The following RBMS2 variants were observed in gnomAD, a reference collection of about 807,000 sequenced individuals.
RBMS2 encodes the protein RNA binding motif single stranded interacting protein 2.
A neutral mutation model predicts 58.4 loss-of-function variants in RBMS2; 38 were observed. The ratio of observed to expected loss-of-function variants is 0.65; its 90% CI spans 0.50 to 0.85. RBMS2 has a LOEUF of 0.85. Among genes scored for constraint, RBMS2 ranks in the 40% least tolerant of loss-of-function variants. The pLI is 0.00. For missense variants in RBMS2, 367 were observed against 503.7 expected, an observed-to-expected ratio of 0.73 and a Z score of 2.60; for synonymous variants, 151 against 180.7, an observed-to-expected ratio of 0.84 and a Z score of 1.32.
rs879595648 is a variant in RBMS2, at chr12:56,565,403, CT to C, written c.233+2832del. On this transcript the variant is annotated intron_variant, in intron 2 of 13. Transcript: ENST00000262031. ...CCCTGAACCTCTCTTAGAAGAAAGA[CT>C]TTTTTTTTTTTCCTATATATTTTCA... 5.7e-3 allele frequency among the ~76,000 whole-genome samples: 827 copies of C among 145,728 alleles called. 4 individuals are homozygous for C. The highest frequency in any genetic ancestry group is 0.011 in the African/African-American group (454 of 39,970).
intron 1 of RBMS2, among the ~76,000 whole-genome samples, chr12:56,536,414 A>T (rs937853095): frequency 6.6e-6 from 1 of 151,322 alleles, no homozygotes; most frequent in Non-Finnish European, 1.5e-5. Context: ...ATGAGCCACC[A>T]TGCCTGGCCT....
intron 5 of RBMS2, among the ~76,000 whole-genome samples, chr12:56,577,775 C>T (rs1484868937): frequency 5.3e-5 from 8 of 152,050 alleles, no homozygotes; most frequent in African/African-American, 1.2e-4. Flanking sequence ...CTCTGCCTCC[C>T]AGGTTCAAGC....
chr12:56,595,652 A>G lies in RBMS2; in HGVS notation c.*6519A>G, dbSNP rs1272843657. 2 of 151,906 alleles carry G rather than the reference A, an allele frequency of 1.3e-5. No individual in the cohort carries two copies. Among genetic ancestry groups the G allele is most frequent in the Admixed American group, 6.6e-5 (1 of 15,214 alleles). The allele number at this position is 151,906 out of a possible 1,614,324, so 9.4% of individuals were successfully genotyped here. On this transcript the variant is annotated 3_prime_UTR_variant, in exon 14 of 14. Coordinates refer to ENST00000262031, the MANE Select transcript of RBMS2 (RefSeq NM_002898.4). Reference sequence around the variant, plus strand: ...GAAGTGGTAAGCTGGTGATGGTCCCATATTTGCTATGACAGGAACACAGAG... The same window carrying G: ...GAAGTGGTAAGCTGGTGATGGTCCCGTATTTGCTATGACAGGAACACAGAG...
At position 56,571,839 on chromosome 12, in the gene RBMS2, G is replaced by C. The variant is rs752956765; in HGVS notation, c.526G>C (p.Gly176Arg). ...TCGAGATACCAGTGGGACCAGCAGA[G>C]GTGTTGGCTTTGCAAGGTGAGGATG... ...ILRDTSGTSR[G>R]VGFARMESTE... Residue 176 changes from glycine (G) to arginine (R), a missense_variant, in exon 5 of 14, where the codon GGT becomes CGT. Transcript: ENST00000262031. 3 of 1,565,422 alleles carry C rather than the reference G, an allele frequency of 1.9e-6. No individual in the cohort carries two copies. In the South Asian group the frequency reaches 3.5e-5, roughly 19 times the overall value.
In RBMS2 at chr12:56,554,976, C is replaced by T. The variant is rs150587083; in HGVS notation, c.67-7441C>T. 1.4e-4 allele frequency among the ~76,000 whole-genome samples: 21 copies of T among 151,698 alleles called. No homozygotes were observed. In the East Asian group the frequency reaches 3.3e-3, roughly 24 times the overall value. On this transcript the variant is annotated intron_variant, in intron 1 of 13. Coordinates refer to ENST00000262031, the MANE Select transcript of RBMS2 (RefSeq NM_002898.4). ...CTTTTTCAGTATTTTACTATTATAA[C>T]GAATGATGCAATGAATATCCTTGTA...
At chr12:56,581,946 C>G in intron 8 of RBMS2, 67 bp downstream of exon 8, 1 of 1,583,798 alleles carries the variant, frequency 6.3e-7, no homozygotes, top group Non-Finnish European at 8.7e-7. Flanking sequence ...TCAAATGATT[C>G]ATCTTGATTC....
chr12:56,563,458 G>T (rs1320512353), intron 2 of RBMS2, among the ~76,000 whole-genome samples: 1 of 152,148 alleles, frequency 6.6e-6, no homozygotes, highest in African/African-American at 2.4e-5. Context: ...CAAATTAGCA[G>T]ATAAAGAAGG....
At chr12:56,559,400 A>G (rs1879929812) in intron 1 of RBMS2, among the ~76,000 whole-genome samples, 1 of 150,672 alleles carries the variant, frequency 6.6e-6, no homozygotes. Context: ...GTTAGCCAGG[A>G]TGGTCTCCAT....
chr12:56,588,473 G>T, intron 12 of RBMS2, 99 bp downstream of exon 12: 1 of 1,144,528 alleles, frequency 8.7e-7, no homozygotes. Flanking sequence ...TGCTGATTCT[G>T]TGTTCACAAA....
chr12:56,559,448 A>T (rs1879943509), intron 1 of RBMS2, among the ~76,000 whole-genome samples: 2 of 151,184 alleles, frequency 1.3e-5, no homozygotes, highest in African/African-American at 4.9e-5. Context: ...GGCCTCCCAA[A>T]GTGCTGGGAT....
At chr12:56,551,570 C>T (rs1002847991) in intron 1 of RBMS2, among the ~76,000 whole-genome samples, 1 of 152,070 alleles carries the variant, frequency 6.6e-6, no homozygotes, top group African/African-American at 2.4e-5. Context: ...GACATGATCA[C>T]ATATACTTGA....
chr12:56,572,150 G>T (rs898042782), intron 5 of RBMS2, among the ~76,000 whole-genome samples: 1 of 151,792 alleles, frequency 6.6e-6, no homozygotes, highest in South Asian at 2.1e-4. Context: ...TTAGCCAGAC[G>T]TGGTGGCGCA....
chr12:56,583,400 T>C lies in RBMS2; in HGVS notation c.873+1248T>C, dbSNP rs535723283. ...TGGGCACGGTGGCTCATACCTGTAA[T>C]CCCAGCACTTTGGGAGGCCGAGGCA... On this transcript the variant is annotated intron_variant, in intron 9 of 13. Coordinates refer to ENST00000262031, the MANE Select transcript of RBMS2 (RefSeq NM_002898.4). 2.0e-5 allele frequency among the ~76,000 whole-genome samples: 3 copies of C among 152,224 alleles called. No homozygotes were observed. The East Asian group carries it at 5.8e-4, about 29-fold the overall frequency.
At chr12:56,535,784 CT>C (rs1465557511) in intron 1 of RBMS2, among the ~76,000 whole-genome samples, 1 of 152,124 alleles carries the variant, frequency 6.6e-6, no homozygotes, top group Non-Finnish European at 1.5e-5. Flanking sequence ...GACCAAAAAC[CT>C]TAATATTATC....
chr12:56,561,568 G>A (rs868399557), intron 1 of RBMS2, among the ~76,000 whole-genome samples: 4 of 151,850 alleles, frequency 2.6e-5, no homozygotes, highest in Admixed American at 6.6e-5. Flanking sequence ...ATGCAGTGGC[G>A]TGATCTCGGC....
intron 1 of RBMS2, among the ~76,000 whole-genome samples, chr12:56,538,421 A>G (rs1416368200): frequency 7.1e-6 from 1 of 141,784 alleles, no homozygotes; most frequent in Non-Finnish European, 1.5e-5. Context: ...GGATTTTGAT[A>G]TGGATTACAC....
intron 9 of RBMS2, among the ~76,000 whole-genome samples, chr12:56,583,706 G>A (rs1884293368): frequency 6.6e-6 from 1 of 151,792 alleles, no homozygotes; most frequent in African/African-American, 2.4e-5. Context: ...AAAGTACATC[G>A]TTATTTTAAT....
chr12:56,541,100 CAAA>C (rs376084138), intron 1 of RBMS2, among the ~76,000 whole-genome samples: 1 of 125,114 alleles, frequency 8.0e-6, no homozygotes, highest in African/African-American at 3.0e-5. Context: ...GACCTTGACT[CAAA>C]AAAAAAAAAA....
At chr12:56,576,629 T>A (rs1883168281) in intron 5 of RBMS2, among the ~76,000 whole-genome samples, 1 of 152,204 alleles carries the variant, frequency 6.6e-6, no homozygotes, top group Non-Finnish European at 1.5e-5. Context: ...CATTTCTCTA[T>A]AGAATTTTGT....
Sources: allele counts gnomAD v4.1 joint callset (sites outside exome capture counted in the v4.1 genomes callset), GRCh38; gene constraint gnomAD v4.1.1; transcripts MANE v1.5; gene names NCBI Gene and HGNC (gene_info 2026-07-23, HGNC 2026-07-21).